DUOX1: variants seen among roughly 807,000 people sequenced by gnomAD.
DUOX1 encodes the protein dual oxidase 1, also known as NADPH thyroid oxidase 1.
Under a neutral mutation model 181.8 loss-of-function variants are expected in DUOX1, and 134 were observed. That is an observed-to-expected ratio of 0.74 (90% CI 0.64 to 0.85). The LOEUF (loss-of-function observed/expected upper bound fraction) is 0.85, where lower values mean the gene tolerates loss of function less well. Ranked by LOEUF, DUOX1 falls within the 40% of genes least tolerant of loss-of-function variation. The pLI is 0.00. For synonymous variants in DUOX1, 798 were observed against 832.5 expected (o/e 0.96, Z 0.71); for missense variants, 1,814 against 2,064.4 (o/e 0.88, Z 2.35).
rs1347143166 is a variant in DUOX1 at position 45,131,970 on chromosome 15, G to A, written c.4G>A (p.Gly2Ser). The part of the protein sequence containing the change: M[G>S]FCLALAWTLL... ...CTGAGCCCCTATTATTTTCATCATG[G>A]GCTTCTGCCTGGCTCTAGCATGGAC... is the stretch of plus-strand genomic sequence containing the variant. Residue 2 changes from glycine (G) to serine (S), a missense_variant, in exon 2 of 34, where the codon GGC becomes AGC. Gly to Ser is a moderately conservative substitution (Grantham distance 56). Coordinates refer to ENST00000389037, the MANE Select transcript of DUOX1 (RefSeq NM_175940.3). The A allele has an allele frequency of 5.6e-6, 9 of 1,614,006 alleles. No homozygotes were observed. The highest frequency in any genetic ancestry group is 1.1e-5 in the South Asian group (1 of 91,068).
intron 21 of DUOX1, among the ~76,000 whole-genome samples, chr15:45,149,582 C>T (rs1896753618): frequency 6.6e-6 from 1 of 152,200 alleles, no homozygotes; most frequent in African/African-American, 2.4e-5. Context: ...GGTGCAATAG[C>T]TCATGCCTGT....
In DUOX1 at chr15:45,144,158, C is replaced by T; in HGVS notation, c.2059C>T (p.Gln687Ter). 1 of 1,614,172 alleles carries T rather than the reference C, an allele frequency of 6.2e-7. No individual in the cohort carries two copies. Among genetic ancestry groups the T allele is most frequent in the Non-Finnish European group, 8.5e-7 (1 of 1,180,048 alleles). ...VLRTIQLQPPQKVNFVLSSNR... is the reference protein window; with the variant it reads ...VLRTIQLQPP Reference sequence around the variant, plus strand: ...CCGCACCATCCAGCTGCAGCCTCCACAGAAGGTCAACTTCGTCCTGTCCAG... The same window carrying T: ...CCGCACCATCCAGCTGCAGCCTCCATAGAAGGTCAACTTCGTCCTGTCCAG... The change falls in exon 17 of 34, where the codon CAG becomes TAG. Residue 687 changes from glutamine (Q) to a stop codon, truncating the protein, a stop_gained. Transcript: ENST00000389037. LOFTEE classifies it high-confidence loss of function.
Position 45,143,202 on chromosome 15 carries a change from G to A in DUOX1, c.1835G>A (p.Ser612Asn), listed in dbSNP as rs1349212960. ...LCCFPLVSLL[S>N]AWIVARLRMR... ...TCTGCCCTCCCAGTGAGCCTGCTCA[G>A]TGCCTGGATTGTTGCCCGGCTCCGG... Residue 612 changes from serine (S) to asparagine (N), a missense_variant, in exon 16 of 34, where the codon AGT (serine) becomes AAT (asparagine). Physicochemically the swap from Ser to Asn is conservative, Grantham distance 46 (BLOSUM62 1). Coordinates refer to ENST00000389037, the MANE Select transcript of DUOX1 (RefSeq NM_175940.3). 1.2e-6 allele frequency: 2 copies of A among 1,614,122 alleles called. No homozygotes were observed. Among genetic ancestry groups the A allele is most frequent in the Admixed American group, 3.3e-5 (2 of 60,018 alleles).
chr15:45,152,353 G>T lies in DUOX1; in HGVS notation c.3261G>T (p.Arg1087=). 1 of 1,614,210 alleles carries T rather than the reference G, an allele frequency of 6.2e-7. No homozygotes were observed. The highest frequency in any genetic ancestry group is 8.5e-7 in the Non-Finnish European group (1 of 1,180,040). ...DTTRVGIILS[R]GTAASISFMF... is the part of the protein sequence containing the mutation. ...CCCGCGTGGGAATCATCCTGTCGCG[G>T]GGCACAGCAGCCAGCATCTCTTTCA... The change falls in exon 25 of 34, where the codon CGG becomes CGT. Residue 1087 remains arginine (R), a synonymous_variant. Transcript: ENST00000389037.
At chr15:45,163,408 C>T (rs2141313752) in intron 31 of DUOX1, 124 bp from the exon 32 acceptor site, 1 of 1,412,844 alleles carries the variant, frequency 7.1e-7, no homozygotes, top group Non-Finnish European at 9.6e-7. Flanking sequence ...ACTCCATCTC[C>T]CCAGGCTGTC....
chr15:45,153,538 GTGTGTGTGTA>G (rs753665201), intron 26 of DUOX1, 59 bp downstream of exon 26: 51,438 of 292,948 alleles, frequency 0.18, 3,974 homozygotes, highest in South Asian at 0.25. Flanking sequence ...GTGTGTGTGT[GTGTGTGTGTA>G]TAATGGGGAG....
chr15:45,147,835 C>T (rs1369752168), intron 19 of DUOX1, 69 bp from the exon 20 acceptor site: 1 of 1,531,154 alleles, frequency 6.5e-7, no homozygotes, highest in Non-Finnish European at 9.0e-7. Flanking sequence ...GTGTGAGGCC[C>T]CTTTTGGCCA....
Position 45,139,602 on chromosome 15 carries a change from G to A in DUOX1, c.1389+3G>A. The A allele has an allele frequency of 2.5e-6, 4 of 1,574,498 alleles. No individual in the cohort carries two copies. The highest frequency in any genetic ancestry group is 3.4e-6 in the Non-Finnish European group (4 of 1,161,188). On this transcript the variant is annotated splice_donor_region_variant and intron_variant, in intron 12 of 33. Transcript: ENST00000389037. The stretch of plus-strand genomic sequence containing the variant: ...CACTCTCCCGGAGCAATGACACTGT[G>A]AGGAGGGGTCAGGACCCAGAGGGTA...
chr15:45,163,562 C>T lies in DUOX1; in HGVS notation c.4279C>T (p.Arg1427Cys), dbSNP rs1897156843. Residue 1427 changes from arginine (R) to cysteine (C), a missense_variant, in exon 32 of 34, where the codon CGT (arginine) becomes TGT (cysteine). Arg to Cys is a radical substitution (Grantham distance 180, BLOSUM62 -3). This residue lies in a region of DUOX1 where 279 missense variants were observed against 381.9 expected (regional missense o/e 0.73). Coordinates refer to ENST00000389037, the MANE Select transcript of DUOX1 (RefSeq NM_175940.3). ...CTTCATCTGGGTGACGCGGACCCAGCGTCAGTTTGAGTGGCTGGCTGACAT... is the reference window on the plus strand; with the variant it reads ...CTTCATCTGGGTGACGCGGACCCAGTGTCAGTTTGAGTGGCTGGCTGACAT... ...IYFIWVTRTQRQFEWLADIIR... is the reference protein window; with the variant it reads ...IYFIWVTRTQCQFEWLADIIR... 1.9e-6 allele frequency: 3 copies of T among 1,614,184 alleles called. No individual in the cohort carries two copies. The highest frequency in any genetic ancestry group is 1.7e-4 in the Middle Eastern group (1 of 6,058).
chr15:45,164,767 C>T lies in DUOX1; in HGVS notation c.4534-12C>T, dbSNP rs759106888. 15 of 1,614,192 alleles carry T rather than the reference C, an allele frequency of 9.3e-6. No individual in the cohort carries two copies. In the East Asian group the frequency reaches 2.9e-4, roughly 31 times the overall value. ...GCAAAGAGTTAGCCTCCACTTATTC[C>T]TCCTGCAACAGGTCCGGAAGATCGG... On this transcript the variant is annotated splice_polypyrimidine_tract_variant and intron_variant, in intron 33 of 33. Coordinates refer to ENST00000389037, the MANE Select transcript of DUOX1 (RefSeq NM_175940.3).
intron 14 of DUOX1, 36 bp from the exon 15 acceptor site, chr15:45,141,939 C>T (rs1896504954): frequency 1.3e-6 from 2 of 1,588,206 alleles, no homozygotes; most frequent in East Asian, 2.3e-5. Context: ...ACCTGTGGCC[C>T]AGCACCCAGG....
At chr15:45,135,982 C>T (rs1438629780) in intron 7 of DUOX1, 34 bp downstream of exon 7, 8 of 1,050,510 alleles carry the variant, frequency 7.6e-6, no homozygotes, top group Non-Finnish European at 1.1e-5. Flanking sequence ...GTCCTCCCTT[C>T]CGCGTGCAAG....
At position 45,138,332 on chromosome 15, in the gene DUOX1, C is replaced by T. The variant is rs59592364; in HGVS notation, c.1113+318C>T. 8.8e-3 allele frequency among the ~76,000 whole-genome samples: 1,345 copies of T among 152,272 alleles called. 8 individuals carry two copies. The highest frequency in any genetic ancestry group is 0.025 in the African/African-American group (1,049 of 41,530). Reference sequence around the variant, plus strand: ...CCTTCGTTGCTCCCTCTCACGTTTTCCCTCTCCTTCGACAGCTTTGGGCGT... The same window carrying T: ...CCTTCGTTGCTCCCTCTCACGTTTTTCCTCTCCTTCGACAGCTTTGGGCGT... On this transcript the variant is annotated intron_variant, in intron 10 of 33. Coordinates refer to ENST00000389037, the MANE Select transcript of DUOX1 (RefSeq NM_175940.3).
In DUOX1 at chr15:45,160,951, G is replaced by A. The variant is rs778733419; in HGVS notation, c.3817G>A (p.Val1273Met). ...DKLVSLSRKK[V>M]EISVVKAELL... is the part of the protein sequence containing the mutation. ...GCTGGTGAGCCTGAGCCGGAAGAAGGTGGAGATCAGCGTGGTGAAGGCGGA... is the reference window on the plus strand; with the variant it reads ...GCTGGTGAGCCTGAGCCGGAAGAAGATGGAGATCAGCGTGGTGAAGGCGGA... The change falls in exon 29 of 34, where the codon GTG becomes ATG. Residue 1273 changes from valine (V) to methionine (M), a missense_variant. Coordinates refer to ENST00000389037, the MANE Select transcript of DUOX1 (RefSeq NM_175940.3). 2 of 1,614,200 alleles carry A rather than the reference G, an allele frequency of 1.2e-6. No individual in the cohort carries two copies. The highest frequency in any genetic ancestry group is 1.1e-5 in the South Asian group (1 of 91,080).
At chr15:45,148,967 T>C (rs866730438) in intron 21 of DUOX1, among the ~76,000 whole-genome samples, 13 of 152,066 alleles carry the variant, frequency 8.5e-5, no homozygotes, top group Admixed American at 3.3e-4. Context: ...GCTCAGTAAA[T>C]GTTTGCTGAA....
At chr15:45,142,805 G>GGA (rs1896541857) in intron 15 of DUOX1, among the ~76,000 whole-genome samples, 1 of 133,826 alleles carries the variant, frequency 7.5e-6, no homozygotes, top group African/African-American at 3.2e-5. Flanking sequence ...GGAAGGGAGG[G>GGA]AGGAAGAGCA....
rs765277354 is a variant in DUOX1 at position 45,163,631 on chromosome 15, G to C, written c.4348G>C (p.Val1450Leu). Residue 1450 changes from valine to leucine, a missense_variant, in exon 32 of 34, where the codon GTG becomes CTG. Val to Leu is a conservative substitution (Grantham distance 32). Around this residue, in one of 5 missense-constraint regions of DUOX1, gnomAD observed 279 missense variants for 381.9 expected, o/e 0.73. Transcript: ENST00000389037. Reference sequence around the variant, plus strand: ...GAATGACCACCAGGACCTGGTGTCTGTGCACATCTACATCACCCAGCTGGC... The same window carrying C: ...GAATGACCACCAGGACCTGGTGTCTCTGCACATCTACATCACCCAGCTGGC... ...EENDHQDLVS[V>L]HIYITQLAEK... 3 of 1,614,042 alleles carry C rather than the reference G, an allele frequency of 1.9e-6. No homozygotes were observed. The highest frequency in any genetic ancestry group is 2.5e-6 in the Non-Finnish European group (3 of 1,180,036).
At chr15:45,145,549 CTT>C (rs1896630302) in intron 18 of DUOX1, among the ~76,000 whole-genome samples, 1 of 152,178 alleles carries the variant, frequency 6.6e-6, no homozygotes, top group African/African-American at 2.4e-5. Context: ...AATGCAGAGA[CTT>C]GAGTCCACAG....
Position 45,151,965 on chromosome 15 carries a change from C to A in DUOX1, c.3106C>A (p.Arg1036Ser). 6.2e-7 allele frequency: 1 copy of A among 1,614,034 alleles called. No homozygotes were observed. Among genetic ancestry groups the A allele is most frequent in the Non-Finnish European group, 8.5e-7 (1 of 1,180,016 alleles). ...CLHQTVQQFK[R>S]FIENYRRHIG... The stretch of plus-strand genomic sequence containing the variant: ...CCACCAGACGGTGCAACAGTTCAAG[C>A]GCTTCATTGAGAACTACCGGCGCCA... The change falls in exon 24 of 34, where the codon CGC becomes AGC. Residue 1036 changes from arginine to serine, a missense_variant. Physicochemically the swap from Arg to Ser is moderately radical, Grantham distance 110. Coordinates refer to ENST00000389037, the MANE Select transcript of DUOX1 (RefSeq NM_175940.3).
Sources: allele counts gnomAD v4.1 joint callset (sites outside exome capture counted in the v4.1 genomes callset), GRCh38; gene constraint gnomAD v4.1.1; regional missense constraint gnomAD v4.1.1; transcripts MANE v1.5; gene names NCBI Gene and HGNC (gene_info 2026-07-23, HGNC 2026-07-21).